CDH2: variants seen among roughly 807,000 people sequenced by gnomAD.
CDH2 encodes the protein cadherin 2, also known as cadherin-2.
Under a neutral mutation model 92.0 loss-of-function variants are expected in CDH2, and 17 were observed. That is an observed-to-expected ratio of 0.18 (90% CI 0.13 to 0.28). CDH2 has a LOEUF of 0.28. Ranked by LOEUF, CDH2 falls within the 10% of genes least tolerant of loss-of-function variation. The pLI, the probability that CDH2 is intolerant of heterozygous loss-of-function variation, is 1.00. For missense variants in CDH2, 862 were observed against 1,133.1 expected (o/e 0.76, Z 3.44); for synonymous variants, 419 against 415.9 (o/e 1.01, Z -0.09).
At chr18:28,026,190 C>T (rs2013548917) in intron 2 of CDH2, among the ~76,000 whole-genome samples, 1 of 152,140 alleles carries the variant, frequency 6.6e-6, no homozygotes, top group Non-Finnish European at 1.5e-5. Context: ...AAAATAATGT[C>T]ATTTTCTTTT....
intron 15 of CDH2, among the ~76,000 whole-genome samples, chr18:27,953,832 T>TG (rs1909581512): frequency 1.3e-5 from 2 of 152,316 alleles, no homozygotes; most frequent in South Asian, 4.1e-4. Context: ...CCACAGTGAC[T>TG]GGCACATGTA....
At chr18:27,972,387 C>T (rs1435651924) in intron 14 of CDH2, among the ~76,000 whole-genome samples, 3 of 152,254 alleles carry the variant, frequency 2.0e-5, no homozygotes, top group East Asian at 3.9e-4. Context: ...AATAAAATAT[C>T]TATCATATGA....
intron 2 of CDH2, among the ~76,000 whole-genome samples, chr18:28,034,705 CA>C (rs1195815561): frequency 2.6e-5 from 4 of 151,354 alleles, no homozygotes; most frequent in African/African-American, 7.3e-5. Flanking sequence ...AAAACAAAAA[CA>C]AAACTCAAGC....
chr18:28,148,177 G>A (rs1449311583), intron 1 of CDH2, among the ~76,000 whole-genome samples: 1 of 152,026 alleles, frequency 6.6e-6, no homozygotes, highest in Non-Finnish European at 1.5e-5. Flanking sequence ...ATACATTCAA[G>A]TACACAGATT....
At chr18:28,140,427 A>T (rs1181066004) in intron 2 of CDH2, among the ~76,000 whole-genome samples, 4 of 151,996 alleles carry the variant, frequency 2.6e-5, no homozygotes, top group African/African-American at 9.7e-5. Flanking sequence ...TGAAATCCTC[A>T]TCAACAATGT....
chr18:28,141,678 A>T (rs1469064746), intron 2 of CDH2, among the ~76,000 whole-genome samples: 1 of 151,910 alleles, frequency 6.6e-6, no homozygotes, highest in East Asian at 1.9e-4. Flanking sequence ...TCCTCAACAC[A>T]ACAGCCAGAA....
At chr18:28,013,558 C>A (rs140648989) in intron 3 of CDH2, 125 bp downstream of exon 3, 1 of 705,762 alleles carries the variant, frequency 1.4e-6, no homozygotes. Context: ...ATTAAAATGA[C>A]CAAAGTTGAT....
At chr18:28,012,020 G>A in intron 3 of CDH2, 28 bp from the exon 4 acceptor site, 3 of 1,585,944 alleles carry the variant, frequency 1.9e-6, no homozygotes, top group African/African-American at 2.7e-5. Flanking sequence ...AGACATTCCT[G>A]AGTACTAGGA....
chr18:28,007,165 A>ATATATAT, intron 5 of CDH2, among the ~76,000 whole-genome samples: 1 of 110,462 alleles, frequency 9.1e-6, no homozygotes, highest in East Asian at 2.3e-4. Flanking sequence ...ATAAAAAAAA[A>ATATATAT]ATATATATAT....
chr18:28,058,506 G>C (rs1278323084), intron 2 of CDH2, among the ~76,000 whole-genome samples: 2 of 152,206 alleles, frequency 1.3e-5, no homozygotes, highest in Admixed American at 6.5e-5. Flanking sequence ...TTAGGGAAAA[G>C]TTTCCCTAGG....
chr18:28,172,437 T>C (rs2016479121), intron 1 of CDH2, among the ~76,000 whole-genome samples: 1 of 152,128 alleles, frequency 6.6e-6, no homozygotes, highest in Non-Finnish European at 1.5e-5. Flanking sequence ...CTTACATGTA[T>C]TTAGTTAAAT....
intron 2 of CDH2, among the ~76,000 whole-genome samples, chr18:28,090,078 T>A (rs1000441360): frequency 1.3e-5 from 2 of 152,204 alleles, no homozygotes; most frequent in Non-Finnish European, 2.9e-5. Context: ...TGGAGATCAA[T>A]TAGTCTGGTG....
rs869217652 is a variant in CDH2 at position 27,944,754 on chromosome 18, TAA to T, written c.1152-11632_1152-11631del. ...TGGCAACATAGTGAGACTTCCTTTC[TAA>T]AAAAAAAAAAAAAAAAAAAAGGCCA... On this transcript the variant is annotated intron_variant, in intron 6 of 6. Transcript: ENST00000675173. Among the ~76,000 whole-genome samples, 8 of 83,562 alleles carry T rather than the reference TAA, an allele frequency of 9.6e-5. No homozygotes were observed. The Middle Eastern group carries it at 0.021, about 221-fold the overall frequency. The allele number at this position is 83,562 out of a possible 152,430, so 54.8% of individuals were successfully genotyped here.
intron 11 of CDH2, among the ~76,000 whole-genome samples, chr18:27,986,963 T>A (rs1449542553): frequency 6.6e-6 from 1 of 152,228 alleles, no homozygotes; most frequent in African/African-American, 2.4e-5. Context: ...GCTTGACTAA[T>A]CATTAACGAA....
intron 14 of CDH2, among the ~76,000 whole-genome samples, chr18:27,980,842 A>G (rs1008265013): frequency 2.6e-5 from 4 of 151,982 alleles, no homozygotes; most frequent in South Asian, 4.1e-4. Flanking sequence ...AACAAGCTTC[A>G]GAGATTAGGT....
chr18:28,069,971 C>A (rs1401315988), intron 2 of CDH2, among the ~76,000 whole-genome samples: 1 of 152,140 alleles, frequency 6.6e-6, no homozygotes, highest in African/African-American at 2.4e-5. Flanking sequence ...CACTTTAAGG[C>A]CTCCAGTGTA....
chr18:27,990,038 T>C lies in CDH2; in HGVS notation c.1598+59A>G. On this transcript the variant is annotated intron_variant, in intron 10 of 15. Transcript: ENST00000269141. ...TACTCAAATAGTGAATTAGATAAAT[T>C]TTATGCACAGCATAGAACATAAGTA... 2.1e-6 allele frequency: 3 copies of C among 1,446,806 alleles called. No homozygotes were observed. The Admixed American group carries it at 6.1e-5, about 29-fold the overall frequency. The allele number at this position is 1,446,806 out of a possible 1,614,324, so 89.6% of individuals were successfully genotyped here.
chr18:27,962,357 T>C (rs570194369), intron 15 of CDH2, among the ~76,000 whole-genome samples: 3 of 152,348 alleles, frequency 2.0e-5, no homozygotes, highest in Non-Finnish European at 2.9e-5. Context: ...TGGATAGTTA[T>C]AGAGACAGGC....
intron 1 of CDH2, among the ~76,000 whole-genome samples, chr18:28,159,669 T>G (rs1193494641): frequency 1.3e-5 from 2 of 151,682 alleles, no homozygotes; most frequent in Non-Finnish European, 2.9e-5. Context: ...TTTTTTTTTT[T>G]TTTTTGAAAG....
Sources: gnomAD v4.1 joint callset for allele counts (sites outside exome capture counted in the v4.1 genomes callset) on GRCh38, gnomAD v4.1.1 for gene constraint, MANE v1.5 for transcripts, NCBI Gene and HGNC (gene_info 2026-07-23, HGNC 2026-07-21) for gene names.